The following SLC22A23 variants were observed in gnomAD, a reference collection of about 807,000 sequenced individuals.
The protein encoded by SLC22A23 is ion transporter protein.
A neutral mutation model predicts 61.0 loss-of-function variants in SLC22A23; 26 were observed. The observed-to-expected ratio is 0.43, with a 90% CI of 0.31 to 0.59. The LOEUF (loss-of-function observed/expected upper bound fraction) is 0.59. Among genes scored for constraint, SLC22A23 ranks in the 20% least tolerant of loss-of-function variants. The pLI is 0.11. For missense variants in SLC22A23, 796 were observed against 934.7 expected (o/e 0.85, Z 1.94); for synonymous variants, 430 against 413.9 (o/e 1.04, Z -0.47).
intron 4 of SLC22A23, among the ~76,000 whole-genome samples, chr6:3,301,003 C>T (rs72839356): frequency 0.27 from 41,338 of 151,856 alleles, 6,961 homozygotes; most frequent in Non-Finnish European, 0.38. Context: ...TTTTTAAATA[C>T]TCAAAGTTAA....
rs1354439252 is a variant in SLC22A23 at position 3,318,731 on chromosome 6, G to A, written c.1082+5103C>T. 6.6e-6 allele frequency among the ~76,000 whole-genome samples: 1 copy of A among 152,170 alleles called. No homozygotes were observed. The highest frequency in any genetic ancestry group is 1.5e-5 in the Non-Finnish European group (1 of 68,032). ...CATCTTAACACAGGCTGCGGCCTCA[G>A]TCAAGTCTCCTGGTCACCTCATCCT... is the stretch of plus-strand genomic sequence containing the variant. On this transcript the variant is annotated intron_variant, in intron 4 of 9. Coordinates refer to ENST00000406686, the MANE Select transcript of SLC22A23 (RefSeq NM_015482.2). This position sits in a 1 kb window ranked among gnomAD's most constrained non-coding sequence, Gnocchi z 4.3.
intron 9 of SLC22A23, among the ~76,000 whole-genome samples, chr6:3,279,008 T>C (rs1194347369): frequency 6.6e-6 from 1 of 152,188 alleles, no homozygotes; most frequent in Admixed American, 6.5e-5. Context: ...AACAAAAGCC[T>C]TGCATTGTGC....
intron 4 of SLC22A23, among the ~76,000 whole-genome samples, chr6:3,302,000 T>A (rs1288646096): frequency 6.6e-6 from 1 of 152,232 alleles, no homozygotes; most frequent in African/African-American, 2.4e-5. Context: ...TGGGGAATAG[T>A]TTGAAAAAAG....
chr6:3,277,286 C>T (rs1171501886), intron 9 of SLC22A23, among the ~76,000 whole-genome samples: 1 of 151,978 alleles, frequency 6.6e-6, no homozygotes, highest in South Asian at 2.1e-4. Flanking sequence ...GGACCCTTCT[C>T]CTCCACCCTG....
chr6:3,410,110 G>C lies in SLC22A23; in HGVS notation c.913+78C>G, dbSNP rs762892317. The C allele has an allele frequency of 1.1e-5, 17 of 1,507,534 alleles. No individual in the cohort carries two copies. Among genetic ancestry groups the C allele is most frequent in the Non-Finnish European group, 1.5e-5 (17 of 1,117,978 alleles). The allele number at this position is 1,507,534 out of a possible 1,614,324, so 93.4% of individuals were successfully genotyped here. ...CCAGCCCACACGAGCAGCATGCACAGTATCTTTCCCAGAACCTCCCAGGCA... is the reference window on the plus strand; with the variant it reads ...CCAGCCCACACGAGCAGCATGCACACTATCTTTCCCAGAACCTCCCAGGCA... On this transcript the variant is annotated intron_variant, in intron 3 of 9. Coordinates refer to ENST00000406686, the MANE Select transcript of SLC22A23 (RefSeq NM_015482.2). The surrounding 1 kb of genome is among the most constrained non-coding windows in gnomAD (Gnocchi z 5.0).
rs147745584 is a variant in SLC22A23, at chr6:3,433,199, G to A, written c.655-17344C>T. On this transcript the variant is annotated intron_variant, in intron 1 of 9. Transcript: ENST00000406686. The stretch of plus-strand genomic sequence containing the variant: ...CCACTCTCACATGCTGCACGGACAG[G>A]AGGAAACTCCTCAGAACAGCTGCTA... Among the ~76,000 whole-genome samples the A allele has an allele frequency of 5.3e-3, 809 of 152,350 alleles. 7 individuals carry two copies. The highest frequency in any genetic ancestry group is 0.019 in the African/African-American group (771 of 41,588).
At chr6:3,354,328 C>T (rs985746933) in intron 3 of SLC22A23, among the ~76,000 whole-genome samples, 2 of 152,248 alleles carry the variant, frequency 1.3e-5, no homozygotes, top group African/African-American at 4.8e-5. Flanking sequence ...ACTAAAGGCA[C>T]TCACAGACTT....
rs1761260436 is a variant in SLC22A23, at chr6:3,297,952, T to C, written c.1210+139A>G. ...GGAGAGAATGTCAAGGTTGCCACAT[T>C]GCCCTTGTGCAGGCCAAAAGGTCAC... On this transcript the variant is annotated intron_variant, in intron 5 of 9. Coordinates refer to ENST00000406686, the MANE Select transcript of SLC22A23 (RefSeq NM_015482.2). This position sits in a 1 kb window ranked among gnomAD's most constrained non-coding sequence, Gnocchi z 4.3. 11 of 999,796 alleles carry C rather than the reference T, an allele frequency of 1.1e-5. No individual in the cohort carries two copies. Among genetic ancestry groups the C allele is most frequent in the Non-Finnish European group, 1.2e-5 (9 of 724,516 alleles). The allele number at this position is 999,796 out of a possible 1,614,324, so 61.9% of individuals were successfully genotyped here.
At chr6:3,449,141 G>C (rs1772054084) in intron 1 of SLC22A23, among the ~76,000 whole-genome samples, 1 of 152,196 alleles carries the variant, frequency 6.6e-6, no homozygotes, top group Non-Finnish European at 1.5e-5. Flanking sequence ...GACCTTTCTA[G>C]CAATTTATCC....
intron 3 of SLC22A23, among the ~76,000 whole-genome samples, chr6:3,341,725 A>C (rs376528775): frequency 2.0e-5 from 3 of 148,180 alleles, no homozygotes; most frequent in African/African-American, 7.5e-5. Context: ...AAGAAACCAC[A>C]CGCACAATTC....
intron 4 of SLC22A23, chr6:3,302,894 A>T (rs1466043503): frequency 2.6e-5 from 4 of 152,244 alleles, no homozygotes; most frequent in Admixed American, 2.0e-4. Context: ...TGCACAGCAA[A>T]GGAAACAATC....
intron 9 of SLC22A23, among the ~76,000 whole-genome samples, chr6:3,277,851 G>T (rs1759055370): frequency 6.6e-6 from 1 of 152,242 alleles, no homozygotes; most frequent in South Asian, 2.1e-4. Flanking sequence ...TTACGGCCAG[G>T]ATAGTGAGAT....
intron 4 of SLC22A23, among the ~76,000 whole-genome samples, chr6:3,302,671 C>A (rs1761696873): frequency 6.6e-6 from 1 of 152,218 alleles, no homozygotes; most frequent in African/African-American, 2.4e-5. Context: ...TAGTTTCCTT[C>A]TTAATTTCTT....
intron 1 of SLC22A23, among the ~76,000 whole-genome samples, chr6:3,448,616 CCCG>C (rs1772028201): frequency 6.6e-6 from 1 of 152,140 alleles, no homozygotes; most frequent in South Asian, 2.1e-4. Flanking sequence ...GCCTCAGCCT[CCCG>C]AGTAGCTGGG....
intron 3 of SLC22A23, among the ~76,000 whole-genome samples, chr6:3,367,823 G>A (rs1475474): frequency 0.25 from 38,264 of 152,074 alleles, 5,699 homozygotes; most frequent in East Asian, 0.52. Flanking sequence ...ACCCCAACTG[G>A]GACTCAAATC....
intron 6 of SLC22A23, 90 bp downstream of exon 6, chr6:3,289,674 G>T: frequency 9.8e-7 from 1 of 1,018,244 alleles, no homozygotes; most frequent in Non-Finnish European, 1.5e-6. Flanking sequence ...AAGTTCAGCG[G>T]GGTGGGGAGC....
chr6:3,371,067 A>T (rs1427594246), intron 3 of SLC22A23, among the ~76,000 whole-genome samples: 3 of 152,220 alleles, frequency 2.0e-5, no homozygotes, highest in African/African-American at 7.2e-5. Flanking sequence ...GTGCCATGGT[A>T]ACTTTCATGA....
intron 3 of SLC22A23, among the ~76,000 whole-genome samples, chr6:3,391,100 G>C (rs560544463): frequency 2.0e-5 from 3 of 152,298 alleles, no homozygotes; most frequent in African/African-American, 7.2e-5. Flanking sequence ...GCAATGACTC[G>C]GGGGAATCAA....
chr6:3,452,627 AAAAAAAAAAAAG>A, intron 1 of SLC22A23, among the ~76,000 whole-genome samples: 1 of 112,222 alleles, frequency 8.9e-6, no homozygotes, highest in African/African-American at 3.3e-5. Context: ...AAAAAAAAAA[AAAAAAAAAAAAG>A]CCTAGAGACT....
Sources: allele counts gnomAD v4.1 joint callset (sites outside exome capture counted in the v4.1 genomes callset), GRCh38; gene constraint gnomAD v4.1.1; non-coding constraint Gnocchi (gnomAD v3.1); transcripts MANE v1.5; gene names NCBI Gene and HGNC (gene_info 2026-07-23, HGNC 2026-07-21).